Variants in RBFOX1 observed in about 807,000 individuals in gnomAD.
RBFOX1 encodes RNA binding protein fox-1 homolog 1.
In RBFOX1, 8 loss-of-function variants were observed where a neutral mutation model predicts 57.7. The observed-to-expected ratio is 0.14, with a 90% CI of 0.08 to 0.25. The LOEUF is 0.25. Among genes scored for constraint, RBFOX1 ranks in the 10% least tolerant of loss-of-function variants. The pLI, the probability that RBFOX1 is intolerant of heterozygous loss-of-function variation, is 1.00. For synonymous variants in RBFOX1, 326 were observed against 222.4 expected (o/e 1.47, Z -4.15); for missense variants, 611 against 548.5 (o/e 1.11, Z -1.14).
intron 14 of RBFOX1, among the ~76,000 whole-genome samples, chr16:7,682,805 A>C (rs1206234523): frequency 4.7e-5 from 7 of 149,762 alleles, no homozygotes; most frequent in South Asian, 2.1e-4. Flanking sequence ...TGTTCATTTA[A>C]AGTTTACTTT....
At chr16:5,536,799 G>A (rs1440828236) in intron 2 of RBFOX1, among the ~76,000 whole-genome samples, 17 of 152,084 alleles carry the variant, frequency 1.1e-4, no homozygotes, top group Admixed American at 1.1e-3. Context: ...ACAGGAATTA[G>A]GGAGGGGTAA....
chr16:6,979,414 A>C (rs927804089), intron 3 of RBFOX1, among the ~76,000 whole-genome samples: 2 of 152,196 alleles, frequency 1.3e-5, no homozygotes, highest in African/African-American at 2.4e-5. Context: ...ACTAAATTAA[A>C]GTTGAAGAAA....
intron 4 of RBFOX1, among the ~76,000 whole-genome samples, chr16:7,377,512 C>T (rs2097706291): frequency 1.3e-5 from 2 of 152,146 alleles, no homozygotes; most frequent in South Asian, 4.1e-4. Context: ...ACTGTAGTAA[C>T]AGCCTAAGGA....
intron 3 of RBFOX1, among the ~76,000 whole-genome samples, chr16:6,918,489 T>C (rs1284753503): frequency 6.6e-6 from 1 of 152,136 alleles, no homozygotes; most frequent in East Asian, 1.9e-4. Flanking sequence ...TAATTGTTAA[T>C]TAAATTAATG....
At chr16:5,408,487 C>G (rs501410) in intron 1 of RBFOX1, among the ~76,000 whole-genome samples, 21,129 of 152,184 alleles carry the variant, frequency 0.14, 1,679 homozygotes, top group Non-Finnish European at 0.18. Flanking sequence ...GGTTCTCACA[C>G]TGTGCCACCC....
intron 1 of RBFOX1, among the ~76,000 whole-genome samples, chr16:5,379,799 A>G (rs2066084019): frequency 1.3e-5 from 2 of 152,178 alleles, no homozygotes; most frequent in Admixed American, 1.3e-4. Flanking sequence ...GATCTGCTTT[A>G]TAGATTAGTG....
intron 7 of RBFOX1, among the ~76,000 whole-genome samples, chr16:7,592,794 C>G (rs2094510251): frequency 6.6e-6 from 1 of 152,120 alleles, no homozygotes; most frequent in Non-Finnish European, 1.5e-5. Flanking sequence ...TAGATATCAG[C>G]AATATAAAAT....
chr16:6,157,347 G>A (rs1410368245), intron 1 of RBFOX1, among the ~76,000 whole-genome samples: 1 of 151,996 alleles, frequency 6.6e-6, no homozygotes, highest in East Asian at 1.9e-4. Flanking sequence ...AACACAGGAT[G>A]CCCAGCTAAA....
intron 1 of RBFOX1, among the ~76,000 whole-genome samples, chr16:6,284,781 A>G (rs1178707677): frequency 6.6e-6 from 1 of 152,184 alleles, no homozygotes. Flanking sequence ...GTATTCAGCT[A>G]GGTGGTTTAT....
At chr16:5,536,325 G>A (rs983571978) in intron 2 of RBFOX1, among the ~76,000 whole-genome samples, 1 of 146,436 alleles carries the variant, frequency 6.8e-6, no homozygotes, top group African/African-American at 2.6e-5. Context: ...GCCTCCTCCT[G>A]CTGGGTTCAA....
At chr16:6,747,535 GC>G (rs2074002203) in intron 3 of RBFOX1, among the ~76,000 whole-genome samples, 1 of 152,136 alleles carries the variant, frequency 6.6e-6, no homozygotes, top group African/African-American at 2.4e-5. Flanking sequence ...TATGTAAGAA[GC>G]CTGTTGGGGC....
At chr16:7,420,882 A>AATATATATATATACACACATATATATAC (rs1568793603) in intron 4 of RBFOX1, among the ~76,000 whole-genome samples, 30 of 145,500 alleles carry the variant, frequency 2.1e-4, no homozygotes, top group Admixed American at 4.2e-4. Flanking sequence ...TATCTTTTAA[A>AATATATATATATACACACATATATATAC]ATATATATAT....
At chr16:6,317,881 T>A (rs144955231) in intron 2 of RBFOX1, among the ~76,000 whole-genome samples, 362 of 152,298 alleles carry the variant, frequency 2.4e-3, no homozygotes, top group African/African-American at 7.9e-3. Flanking sequence ...AAATATTTAT[T>A]TTTCAAGATG....
intron 2 of RBFOX1, among the ~76,000 whole-genome samples, chr16:5,491,797 A>G (rs1224200949): frequency 6.6e-6 from 1 of 152,220 alleles, no homozygotes; most frequent in African/African-American, 2.4e-5. Flanking sequence ...CTTTTAATTC[A>G]GTTGTTCTCA....
At chr16:5,735,958 G>A (rs1445584240) in intron 3 of RBFOX1, among the ~76,000 whole-genome samples, 9 of 152,106 alleles carry the variant, frequency 5.9e-5, no homozygotes, top group Non-Finnish European at 7.4e-5. Flanking sequence ...GGAGGAAGGC[G>A]CGGGTAGAGT....
intron 3 of RBFOX1, among the ~76,000 whole-genome samples, chr16:7,026,824 C>G (rs1328620877): frequency 1.3e-5 from 2 of 152,322 alleles, no homozygotes; most frequent in East Asian, 3.9e-4. Flanking sequence ...CACATGGCAC[C>G]TGCTGATCTG....
chr16:6,444,804 T>C (rs1039502749), intron 2 of RBFOX1, among the ~76,000 whole-genome samples: 4 of 151,946 alleles, frequency 2.6e-5, no homozygotes, highest in African/African-American at 9.7e-5. Context: ...CTTTTGTTAG[T>C]GGGTAAAATG....
At chr16:6,509,398 T>G (rs1355063327) in intron 2 of RBFOX1, among the ~76,000 whole-genome samples, 1 of 152,196 alleles carries the variant, frequency 6.6e-6, no homozygotes, top group African/African-American at 2.4e-5. Flanking sequence ...TAGATGGAAC[T>G]GGAGGTCATG....
chr16:6,852,179 C>T (rs961991154), intron 3 of RBFOX1, among the ~76,000 whole-genome samples: 1 of 152,086 alleles, frequency 6.6e-6, no homozygotes, highest in African/African-American at 2.4e-5. Context: ...TGGCCTGCAA[C>T]CAAGGTTTTG....
Sources: allele counts gnomAD v4.1 joint callset (sites outside exome capture counted in the v4.1 genomes callset), GRCh38; gene constraint gnomAD v4.1.1; transcripts MANE v1.5; gene names NCBI Gene and HGNC (gene_info 2026-07-23, HGNC 2026-07-21).